Variants in MAMLD1 observed in about 807,000 individuals in gnomAD.
MAMLD1 encodes the protein mastermind like domain containing 1, also known as mastermind-like domain-containing protein 1.
In MAMLD1, 14 loss-of-function variants were observed where a neutral mutation model predicts 45.0. The ratio of observed to expected loss-of-function variants is 0.31; its 90% confidence interval spans 0.21 to 0.49. The LOEUF (loss-of-function observed/expected upper bound fraction) is 0.49, where lower values mean the gene tolerates loss of function less well. Ranked by LOEUF, MAMLD1 falls within the 20% of genes least tolerant of loss-of-function variation. The pLI is 0.99. For synonymous variants in MAMLD1, 254 were observed against 247.8 expected, an observed-to-expected ratio of 1.02 and a Z score of -0.24; for missense variants, 543 against 603.6, an observed-to-expected ratio of 0.90 and a Z score of 1.05.
intron 5 of MAMLD1, among the ~76,000 whole-genome samples, chrX:150,502,534 T>A (rs2037588813): frequency 8.9e-6 from 1 of 111,841 alleles, no homozygotes; most frequent in African/African-American, 3.3e-5. Flanking sequence ...TTAATTGCCT[T>A]TGGCTGAAAA....
At chrX:150,471,711 T>A (rs2036435170) in intron 4 of MAMLD1, among the ~76,000 whole-genome samples, 1 of 111,968 alleles carries the variant, frequency 8.9e-6, no homozygotes, top group Non-Finnish European at 1.9e-5. Context: ...TCAAGTCACC[T>A]AACTTCCCTA....
Position 150,513,011 on chromosome X carries a change from G to A in MAMLD1, c.*1052G>A, listed in dbSNP as rs1230719641. Reference sequence around the variant, plus strand: ...CGACGACATTTTGGAACAGCATGCTGCTGCTCAAAATGCCACAGCCCAGAA... The same window carrying A: ...CGACGACATTTTGGAACAGCATGCTACTGCTCAAAATGCCACAGCCCAGAA... On this transcript the variant is annotated 3_prime_UTR_variant, in exon 8 of 8. Coordinates refer to ENST00000370401, the MANE Select transcript of MAMLD1 (RefSeq NM_005491.5). 6 of 1,152,640 alleles carry A rather than the reference G, an allele frequency of 5.2e-6. No individual in the cohort carries two copies. In the South Asian group the frequency reaches 9.5e-5, roughly 18 times the overall value. 95.0% of individuals were successfully genotyped at this position (1,152,640 alleles called of 1,213,427 possible). A position where few individuals can be genotyped will look rare whatever the true frequency, so the allele number is the denominator to read the frequency against.
intron 2 of MAMLD1, among the ~76,000 whole-genome samples, chrX:150,460,649 C>T (rs782785936): frequency 5.4e-5 from 6 of 111,395 alleles, no homozygotes; most frequent in Admixed American, 1.9e-4. Flanking sequence ...TGCATTCACA[C>T]AGTCCCAATC....
At chrX:150,416,947 C>T (rs2034263280) in intron 1 of MAMLD1, among the ~76,000 whole-genome samples, 1 of 111,973 alleles carries the variant, frequency 8.9e-6, no homozygotes, top group African/African-American at 3.2e-5. Flanking sequence ...TTAAGGAAGA[C>T]AACTTAAATG....
intron 1 of MAMLD1, among the ~76,000 whole-genome samples, chrX:150,368,222 T>C (rs1221134483): frequency 9.0e-6 from 1 of 110,863 alleles, no homozygotes; most frequent in Non-Finnish European, 1.9e-5. Flanking sequence ...CCAGCACCTG[T>C]TGTTTCCTGA....
At chrX:150,450,526 C>T (rs995639050) in intron 2 of MAMLD1, among the ~76,000 whole-genome samples, 2 of 111,585 alleles carry the variant, frequency 1.8e-5, no homozygotes, top group African/African-American at 3.3e-5. Flanking sequence ...TTGCATGAGC[C>T]TCTGGGCCTC....
At chrX:150,447,352 C>A (rs1557404839) in intron 2 of MAMLD1, among the ~76,000 whole-genome samples, 4 of 111,713 alleles carry the variant, frequency 3.6e-5, no homozygotes. Context: ...TTCAAGCTGT[C>A]CTAGAAGACC....
intron 5 of MAMLD1, among the ~76,000 whole-genome samples, chrX:150,492,545 G>A (rs2037219456): frequency 8.9e-6 from 1 of 111,864 alleles, no homozygotes; most frequent in South Asian, 3.7e-4. Flanking sequence ...GCTGCCTTTG[G>A]GATAGTCACA....
At chrX:150,432,455 C>A (rs2034987397) in intron 1 of MAMLD1, among the ~76,000 whole-genome samples, 1 of 111,437 alleles carries the variant, frequency 9.0e-6, no homozygotes, top group African/African-American at 3.3e-5. Flanking sequence ...GGTTTTTTTG[C>A]AATTGCTTTT....
intron 2 of MAMLD1, among the ~76,000 whole-genome samples, chrX:150,453,269 C>T (rs782265133): frequency 1.2e-4 from 14 of 112,152 alleles, no homozygotes; most frequent in Non-Finnish European, 2.6e-4. Flanking sequence ...CACAGTCACG[C>T]CCAGTCATTA....
chrX:150,499,086 T>C (rs2037476524), intron 5 of MAMLD1, among the ~76,000 whole-genome samples: 2 of 112,064 alleles, frequency 1.8e-5, no homozygotes, highest in South Asian at 7.5e-4. Flanking sequence ...CACAAGTGAC[T>C]TGAACAACGG....
At position 150,512,400 on chromosome X, in the gene MAMLD1, C is replaced by A; in HGVS notation, c.*441C>A. On this transcript the variant is annotated 3_prime_UTR_variant, in exon 8 of 8. Coordinates refer to ENST00000370401, the MANE Select transcript of MAMLD1 (RefSeq NM_005491.5). ...CCTAGTGTGCCAAGAATGCCCACTGCGTTCAACAATGCTGCATGGGTCACA... is the reference window on the plus strand; with the variant it reads ...CCTAGTGTGCCAAGAATGCCCACTGAGTTCAACAATGCTGCATGGGTCACA... The A allele has an allele frequency of 8.7e-7, 1 of 1,148,920 alleles. No individual in the cohort carries two copies. Among genetic ancestry groups the A allele is most frequent in the African/African-American group, 1.8e-5 (1 of 56,337 alleles). 94.7% of individuals were successfully genotyped at this position (1,148,920 alleles called of 1,213,427 possible).
In MAMLD1 at chrX:150,492,711, C is replaced by T. The variant is rs145390232; in HGVS notation, c.2041-10563C>T. ...CTTAGTGGGTGGCATTCCAGGAGTC[C>T]ACACACAAAGGCTAAGTCCCTGCAA... On this transcript the variant is annotated intron_variant, in intron 5 of 7. Transcript: ENST00000370401. 6.6e-3 allele frequency among the ~76,000 whole-genome samples: 742 copies of T among 111,874 alleles called. 5 individuals carry two copies. Among genetic ancestry groups the T allele is most frequent in the African/African-American group, 0.023 (711 of 30,741 alleles).
chrX:150,508,335 G>A (rs917484189), intron 6 of MAMLD1, among the ~76,000 whole-genome samples: 1 of 111,523 alleles, frequency 9.0e-6, no homozygotes, highest in Non-Finnish European at 1.9e-5. Context: ...GAGAGCTTGA[G>A]AAGGCAGATC....
At chrX:150,511,016 T>C (rs1347346325) in intron 7 of MAMLD1, among the ~76,000 whole-genome samples, 5 of 111,874 alleles carry the variant, frequency 4.5e-5, no homozygotes, top group African/African-American at 1.6e-4. Context: ...TTGAAAAACA[T>C]ACACATGCCA....
chrX:150,485,585 CACAGAAACCCACAAAGT>C (rs1248992653), intron 5 of MAMLD1, among the ~76,000 whole-genome samples: 2 of 111,787 alleles, frequency 1.8e-5, no homozygotes, highest in Non-Finnish European at 3.8e-5. Context: ...TTATTTTCTT[CACAGAAACCCACAAAGT>C]ACATATTCTA....
chrX:150,501,875 C>T (rs1247815845), intron 5 of MAMLD1, among the ~76,000 whole-genome samples: 2 of 112,110 alleles, frequency 1.8e-5, no homozygotes, highest in East Asian at 2.8e-4. Flanking sequence ...CCAATGCAAA[C>T]GACATGTGGG....
At chrX:150,511,964 C>T in intron 7 of MAMLD1, 40 bp from the exon 8 acceptor site, 6 of 1,038,227 alleles carry the variant, frequency 5.8e-6, no homozygotes, top group Non-Finnish European at 6.2e-6. Flanking sequence ...GTCGAGGATG[C>T]CTTTGGAACT....
At position 150,398,335 on chromosome X, in the gene MAMLD1, GAA is replaced by G. The variant is rs1569564626; in HGVS notation, c.-64+34806_-64+34807del. The stretch of plus-strand genomic sequence containing the variant: ...AGAAGAAGAAGAAGAAGAAGAAGAA[GAA>G]GAAGAGGAAGAGGAAGAGGAAGAGG... On this transcript the variant is annotated intron_variant, in intron 1 of 7. Transcript: ENST00000370401. Among the ~76,000 whole-genome samples, 539 of 76,308 alleles carry G rather than the reference GAA, an allele frequency of 7.1e-3. 2 individuals are homozygous for G. The highest frequency in any genetic ancestry group is 0.011 in the Non-Finnish European group (396 of 37,488). The allele number at this position is 76,308 out of a possible 115,157, so 66.3% of individuals were successfully genotyped here.
Sources: gnomAD v4.1 joint callset for allele counts (sites outside exome capture counted in the v4.1 genomes callset) on GRCh38, gnomAD v4.1.1 for gene constraint, MANE v1.5 for transcripts, NCBI Gene and HGNC (gene_info 2026-07-23, HGNC 2026-07-21) for gene names.